UVRAG: variants seen among roughly 807,000 people sequenced by gnomAD.
UVRAG encodes the protein UV radiation resistance associated.
In UVRAG, 19 loss-of-function variants were observed where a neutral mutation model predicts 78.0. The ratio of observed to expected loss-of-function variants is 0.24; its 90% CI spans 0.17 to 0.36. The LOEUF (loss-of-function observed/expected upper bound fraction) is 0.36. Among genes scored for constraint, UVRAG ranks in the 10% least tolerant of loss-of-function variants. The pLI is 1.00. For missense variants in UVRAG, 740 were observed against 853.8 expected (o/e 0.87, Z 1.66); for synonymous variants, 323 against 324.6 (o/e 1.00, Z 0.05).
chr11:76,020,685 C>T (rs1251657201), intron 12 of UVRAG, among the ~76,000 whole-genome samples: 7 of 133,014 alleles, frequency 5.3e-5, no homozygotes, highest in Admixed American at 1.7e-4. Flanking sequence ...CTGCAGGCTG[C>T]GCTGCCTAAG....
intron 14 of UVRAG, among the ~76,000 whole-genome samples, chr11:76,120,893 A>T (rs1163823845): frequency 6.6e-6 from 1 of 152,174 alleles, no homozygotes; most frequent in African/African-American, 2.4e-5. Flanking sequence ...AGGGTAAAAA[A>T]ACTCAGGTTC....
At chr11:75,989,990 TG>T (rs1306890159) in intron 8 of UVRAG, among the ~76,000 whole-genome samples, 1 of 152,244 alleles carries the variant, frequency 6.6e-6, no homozygotes, top group African/African-American at 2.4e-5. Context: ...GTTTAGTTTT[TG>T]GTGTATTTCA....
chr11:75,973,564 CT>C (rs111295380), intron 7 of UVRAG, among the ~76,000 whole-genome samples: 9 of 151,386 alleles, frequency 5.9e-5, no homozygotes, highest in Admixed American at 2.0e-4. Context: ...GGAATTGTTT[CT>C]TTTTTTTTAT....
At chr11:75,857,478 T>C (rs184433013) in intron 2 of UVRAG, among the ~76,000 whole-genome samples, 87 of 152,064 alleles carry the variant, frequency 5.7e-4, no homozygotes, top group African/African-American at 2.0e-3. Flanking sequence ...TTCTTGCAGA[T>C]CTTTCTTTTT....
chr11:75,869,591 C>T (rs1329190510), intron 3 of UVRAG, among the ~76,000 whole-genome samples: 2 of 152,140 alleles, frequency 1.3e-5, no homozygotes, highest in Non-Finnish European at 2.9e-5. Flanking sequence ...AACAAATCAA[C>T]ACATGGAATT....
intron 5 of UVRAG, among the ~76,000 whole-genome samples, chr11:75,903,564 T>C (rs1304864100): frequency 6.6e-6 from 1 of 152,210 alleles, no homozygotes; most frequent in Non-Finnish European, 1.5e-5. Context: ...GGACTTTCCT[T>C]CACTGCCATT....
At chr11:75,920,596 A>G (rs1163916596) in intron 6 of UVRAG, among the ~76,000 whole-genome samples, 1 of 151,644 alleles carries the variant, frequency 6.6e-6, no homozygotes, top group African/African-American at 2.4e-5. Flanking sequence ...CTTTTCCCCC[A>G]TTCCGCTGCC....
chr11:76,026,983 G>T (rs76364443), intron 12 of UVRAG, among the ~76,000 whole-genome samples: 1 of 151,410 alleles, frequency 6.6e-6, no homozygotes, highest in Non-Finnish European at 1.5e-5. Flanking sequence ...AAAAAAAAAA[G>T]TCCATGCAGA....
intron 6 of UVRAG, among the ~76,000 whole-genome samples, chr11:75,914,933 T>C (rs1384314131): frequency 9.2e-5 from 14 of 152,054 alleles, no homozygotes; most frequent in Admixed American, 8.5e-4. Flanking sequence ...GCAAGGACTT[T>C]GGAGCACCTA....
chr11:76,105,600 C>A (rs1406705471), intron 13 of UVRAG, among the ~76,000 whole-genome samples: 19 of 124,616 alleles, frequency 1.5e-4, no homozygotes, highest in African/African-American at 8.6e-4. Flanking sequence ...AATACAAAAA[C>A]TTAGCTGGGT....
At chr11:76,061,074 TG>T (rs1249038559) in intron 12 of UVRAG, among the ~76,000 whole-genome samples, 1 of 152,164 alleles carries the variant, frequency 6.6e-6, no homozygotes, top group Non-Finnish European at 1.5e-5. Context: ...GCTAAGGGAT[TG>T]TAAATACACC....
chr11:75,928,974 G>T, intron 6 of UVRAG, among the ~76,000 whole-genome samples: 1 of 124,056 alleles, frequency 8.1e-6, no homozygotes. Flanking sequence ...AGAATTGAAA[G>T]CTGAATTTAG....
chr11:75,818,989 A>G (rs1945327832), intron 1 of UVRAG, among the ~76,000 whole-genome samples: 1 of 152,220 alleles, frequency 6.6e-6, no homozygotes, highest in Non-Finnish European at 1.5e-5. Flanking sequence ...CCTGACAATC[A>G]AAAATGAGTT....
At chr11:75,819,422 A>G (rs902944789) in intron 1 of UVRAG, among the ~76,000 whole-genome samples, 5 of 151,854 alleles carry the variant, frequency 3.3e-5, no homozygotes, top group African/African-American at 1.2e-4. Context: ...ATCTCCTCTC[A>G]CTGCAACCTG....
intron 11 of UVRAG, among the ~76,000 whole-genome samples, chr11:76,012,696 A>G (rs1048916659): frequency 1.3e-5 from 2 of 152,170 alleles, no homozygotes; most frequent in South Asian, 2.1e-4. Flanking sequence ...TTACTGTTGC[A>G]GTATGCCAAG....
chr11:76,120,324 C>A (rs926651799), intron 14 of UVRAG, among the ~76,000 whole-genome samples: 1 of 152,138 alleles, frequency 6.6e-6, no homozygotes, highest in East Asian at 1.9e-4. Flanking sequence ...ATTACTGGAA[C>A]CTTAGGGATT....
At chr11:75,823,375 A>C (rs1421666180) in intron 1 of UVRAG, among the ~76,000 whole-genome samples, 3 of 152,162 alleles carry the variant, frequency 2.0e-5, no homozygotes, top group South Asian at 2.1e-4. Flanking sequence ...AATTATTTGG[A>C]ATTTTTCTGT....
chr11:76,118,070 A>G (rs781638634), intron 14 of UVRAG, among the ~76,000 whole-genome samples: 2 of 152,208 alleles, frequency 1.3e-5, no homozygotes, highest in African/African-American at 2.4e-5. Context: ...AACTATGAAC[A>G]TGTTACATCG....
intron 6 of UVRAG, among the ~76,000 whole-genome samples, chr11:75,956,776 C>T (rs1266020020): frequency 1.3e-5 from 2 of 152,114 alleles, no homozygotes; most frequent in African/African-American, 2.4e-5. Context: ...TTTATTTATT[C>T]TAACAGGTGT....
Sources: gnomAD v4.1 joint callset for allele counts (sites outside exome capture counted in the v4.1 genomes callset) on GRCh38, gnomAD v4.1.1 for gene constraint, MANE v1.5 for transcripts, NCBI Gene and HGNC (gene_info 2026-07-23, HGNC 2026-07-21) for gene names.